TMEM39A: variants seen among roughly 807,000 people sequenced by gnomAD.
TMEM39A encodes the protein transmembrane protein 39A, also known as suppressor of SQST-1 aggregates in rpl-43 mutants.
TMEM39A carries 19 observed loss-of-function variants against 51.9 expected under a neutral mutation model. That is an observed-to-expected ratio of 0.37 (90% CI 0.26 to 0.54). The LOEUF (loss-of-function observed/expected upper bound fraction) is 0.54, where lower values mean the gene tolerates loss of function less well. Among genes scored for constraint, TMEM39A ranks in the 20% least tolerant of loss-of-function variants. TMEM39A has a pLI of 0.88. For missense variants in TMEM39A, 433 were observed against 590.5 expected (o/e 0.73, Z 2.76); for synonymous variants, 197 against 220.2 (o/e 0.89, Z 0.93).
chr3:119,439,347 A>G lies in TMEM39A; in HGVS notation c.576-1244T>C, dbSNP rs182332313. On this transcript the variant is annotated intron_variant, in intron 5 of 8. Transcript: ENST00000319172. ...TATAATCCCAGCACTTTGGGAGGCCAAGGCGAGCAGGTCACCTGAGGTCAG... is the reference window on the plus strand; with the variant it reads ...TATAATCCCAGCACTTTGGGAGGCCGAGGCGAGCAGGTCACCTGAGGTCAG... Among the ~76,000 whole-genome samples, 1,211 of 152,210 alleles carry G rather than the reference A, an allele frequency of 8.0e-3. 22 individuals carry two copies. Among genetic ancestry groups the G allele is most frequent in the South Asian group, 0.071 (342 of 4,818 alleles).
chr3:119,438,507 T>A (rs576535071), intron 5 of TMEM39A, among the ~76,000 whole-genome samples: 55 of 152,260 alleles, frequency 3.6e-4, no homozygotes, highest in Non-Finnish European at 6.2e-4. Flanking sequence ...AAACTTTGTA[T>A]GTGTGCATGT....
At chr3:119,433,138 G>T (rs1277510765) in intron 8 of TMEM39A, among the ~76,000 whole-genome samples, 1 of 152,140 alleles carries the variant, frequency 6.6e-6, no homozygotes, top group Non-Finnish European at 1.5e-5. Context: ...AATTTAGATG[G>T]AATTTAGATC....
At chr3:119,438,126 G>C in intron 5 of TMEM39A, 23 bp from the exon 6 acceptor site, 1 of 1,550,188 alleles carries the variant, frequency 6.5e-7, no homozygotes, top group Admixed American at 1.8e-5. Flanking sequence ...GTGTGAAAAT[G>C]AGACCACAGA....
In TMEM39A at chr3:119,432,126, C is replaced by T. The variant is rs760338232; in HGVS notation, c.1322G>A (p.Arg441Gln). The T allele has an allele frequency of 1.4e-5, 22 of 1,612,914 alleles. No individual in the cohort carries two copies. The highest frequency in any genetic ancestry group is 1.6e-4 in the Middle Eastern group (1 of 6,082). Residue 441 changes from arginine (R) to glutamine (Q), a missense_variant, in exon 9 of 9, where the codon CGG (arginine) becomes CAG (glutamine). Arg to Gln is a conservative substitution (Grantham distance 43). This residue lies in a region of TMEM39A where 223 missense variants were observed against 328.1 expected (regional missense o/e 0.68). Transcript: ENST00000319172. ...VVFYQLYSLL[R>Q]SEKWNHTLSM... is the part of the protein sequence containing the mutation. ...AAGTGTGTGGTTCCACTTCTCCGAC[C>T]GCAGCAAGGAATAGAGCTGATAGAA...
chr3:119,433,956 G>A (rs2080932916), intron 8 of TMEM39A, among the ~76,000 whole-genome samples: 1 of 152,136 alleles, frequency 6.6e-6, no homozygotes, highest in Non-Finnish European at 1.5e-5. Flanking sequence ...TACCCTCACA[G>A]GAACTGAGAA....
intron 3 of TMEM39A, 117 bp downstream of exon 3, chr3:119,457,901 C>A: frequency 2.9e-6 from 2 of 682,808 alleles, no homozygotes; most frequent in East Asian, 5.7e-5. Flanking sequence ...TGTGGCCTAG[C>A]AGAAAAACAT....
chr3:119,435,520 AT>A, intron 7 of TMEM39A: 1 of 985,068 alleles, frequency 1.0e-6, no homozygotes, highest in Non-Finnish European at 1.2e-6. Context: ...CAGCAGCTTC[AT>A]TCTTTCCAGC....
intron 5 of TMEM39A, among the ~76,000 whole-genome samples, chr3:119,443,525 G>C (rs1311373634): frequency 6.6e-6 from 1 of 152,114 alleles, no homozygotes; most frequent in African/African-American, 2.4e-5. Flanking sequence ...CTCACTGAAG[G>C]CTCAAATGCT....
chr3:119,458,385 C>G, intron 2 of TMEM39A, 145 bp from the exon 3 acceptor site: 2 of 657,988 alleles, frequency 3.0e-6, no homozygotes, highest in South Asian at 3.9e-5. Context: ...TTTCTCCCTC[C>G]ACACTTTCTG....
intron 5 of TMEM39A, among the ~76,000 whole-genome samples, chr3:119,441,846 G>A (rs990374802): frequency 3.3e-5 from 5 of 152,196 alleles, no homozygotes; most frequent in Admixed American, 2.6e-4. Context: ...AGTGGCTAAC[G>A]CAGCTGGTAA....
At chr3:119,439,009 A>G (rs2081014080) in intron 5 of TMEM39A, among the ~76,000 whole-genome samples, 1 of 152,210 alleles carries the variant, frequency 6.6e-6, no homozygotes, top group Non-Finnish European at 1.5e-5. Context: ...TACCTCAGAT[A>G]GTGGCTGTAA....
At chr3:119,458,644 C>G (rs369957205) in intron 2 of TMEM39A, among the ~76,000 whole-genome samples, 19 of 152,256 alleles carry the variant, frequency 1.2e-4, no homozygotes, top group Middle Eastern at 3.4e-3. Context: ...CCTGTAATCC[C>G]AGCACTTTGG....
In TMEM39A at chr3:119,431,865, A is replaced by G; in HGVS notation, c.*116T>C. On this transcript the variant is annotated 3_prime_UTR_variant, in exon 9 of 9. Coordinates refer to ENST00000319172, the MANE Select transcript of TMEM39A (RefSeq NM_018266.3). ...TATCCCTTACTCTTCCCGACTTTCA[A>G]AACATAATAGTATACAAAATATAAA... 1.4e-6 allele frequency: 1 copy of G among 717,420 alleles called. No individual in the cohort carries two copies. The highest frequency in any genetic ancestry group is 2.1e-6 in the Non-Finnish European group (1 of 466,370). 44.4% of individuals were successfully genotyped at this position (717,420 alleles called of 1,614,324 possible).
intron 2 of TMEM39A, among the ~76,000 whole-genome samples, chr3:119,461,629 A>T (rs1300096822): frequency 6.6e-6 from 1 of 152,228 alleles, no homozygotes; most frequent in East Asian, 1.9e-4. Flanking sequence ...TGCCCTCTAA[A>T]AAAAGAATGC....
chr3:119,446,257 T>C (rs1229979890), intron 5 of TMEM39A, among the ~76,000 whole-genome samples: 7 of 152,228 alleles, frequency 4.6e-5, no homozygotes, highest in African/African-American at 1.7e-4. Context: ...TCCTTTGGCA[T>C]ACCTGAATTG....
chr3:119,447,635 T>C (rs1407735986), intron 4 of TMEM39A, among the ~76,000 whole-genome samples: 3 of 152,138 alleles, frequency 2.0e-5, no homozygotes, highest in South Asian at 2.1e-4. Context: ...TTTTTTTTTT[T>C]CGAGACAAAG....
At chr3:119,438,127 A>G in intron 5 of TMEM39A, 24 bp from the exon 6 acceptor site, 1 of 1,550,426 alleles carries the variant, frequency 6.4e-7, no homozygotes, top group Non-Finnish European at 8.8e-7. Flanking sequence ...TGTGAAAATG[A>G]GACCACAGAT....
chr3:119,445,486 AACT>A (rs2081112589), intron 5 of TMEM39A, among the ~76,000 whole-genome samples: 1 of 152,178 alleles, frequency 6.6e-6, no homozygotes, highest in Non-Finnish European at 1.5e-5. Context: ...GCTGGTCTCG[AACT>A]ACTAACCTCA....
At chr3:119,435,445 A>C in intron 7 of TMEM39A, 1 of 983,296 alleles carries the variant, frequency 1.0e-6, no homozygotes, top group Non-Finnish European at 1.2e-6. Context: ...ACACACACAG[A>C]CTTTTCACTG....
Sources: allele counts gnomAD v4.1 joint callset (sites outside exome capture counted in the v4.1 genomes callset), GRCh38; gene constraint gnomAD v4.1.1; regional missense constraint gnomAD v4.1.1; transcripts MANE v1.5; gene names NCBI Gene and HGNC (gene_info 2026-07-23, HGNC 2026-07-21).